Variants in UBTD2 observed in about 807,000 individuals in gnomAD.
UBTD2 encodes ubiquitin domain-containing protein 2.
Under a neutral mutation model 19.8 loss-of-function variants are expected in UBTD2, and 9 were observed. That is an observed-to-expected ratio of 0.46 (90% CI 0.27 to 0.79). The LOEUF (loss-of-function observed/expected upper bound fraction) is 0.79. Ranked by LOEUF, UBTD2 falls within the 30% of genes least tolerant of loss-of-function variation. UBTD2 has a pLI of 0.14. For missense variants in UBTD2, 250 were observed against 300.4 expected (o/e 0.83, Z 1.24); for synonymous variants, 98 against 103.9 (o/e 0.94, Z 0.35).
At chr5:172,241,887 T>C (rs974342624) in intron 1 of UBTD2, among the ~76,000 whole-genome samples, 2 of 152,112 alleles carry the variant, frequency 1.3e-5, no homozygotes, top group Non-Finnish European at 2.9e-5. Context: ...GGTGTAGTTG[T>C]ATATACCTGT....
At chr5:172,238,063 T>C (rs547275534) in intron 1 of UBTD2, among the ~76,000 whole-genome samples, 6 of 152,246 alleles carry the variant, frequency 3.9e-5, no homozygotes, top group African/African-American at 1.4e-4. Flanking sequence ...AATGCAGTAG[T>C]TGGACATAGA....
intron 2 of UBTD2, among the ~76,000 whole-genome samples, chr5:172,214,035 T>C (rs1771498962): frequency 6.6e-6 from 1 of 152,268 alleles, no homozygotes. Flanking sequence ...TCTGCTCGCC[T>C]TGGCCTCCCA....
rs1771417494 is a variant in UBTD2, at chr5:172,210,400, C to G, written c.*1430G>C. On this transcript the variant is annotated 3_prime_UTR_variant, in exon 3 of 3. Transcript: ENST00000393792. ...TAAGTGCCTTCTTGTCTGTACTTTT[C>G]CATCTCATGGATTCTCAGGGGCACA... 1 of 152,194 alleles carries G rather than the reference C, an allele frequency of 6.6e-6. No individual in the cohort carries two copies. Among genetic ancestry groups the G allele is most frequent in the Non-Finnish European group, 1.5e-5 (1 of 68,042 alleles). 9.4% of individuals were successfully genotyped at this position (152,194 alleles called of 1,614,324 possible). A position where few individuals can be genotyped will look rare whatever the true frequency, so the allele number is the denominator to read the frequency against.
intron 2 of UBTD2, among the ~76,000 whole-genome samples, chr5:172,213,974 C>T (rs940210817): frequency 6.6e-6 from 1 of 152,126 alleles, no homozygotes; most frequent in Non-Finnish European, 1.5e-5. Context: ...TTAGTAGAGA[C>T]GGGGTTTCTC....
intron 1 of UBTD2, among the ~76,000 whole-genome samples, chr5:172,240,107 T>C (rs1391633788): frequency 1.3e-5 from 2 of 152,208 alleles, no homozygotes; most frequent in African/African-American, 4.8e-5. Context: ...GGAATGGTTA[T>C]GACCAGACAA....
intron 2 of UBTD2, among the ~76,000 whole-genome samples, chr5:172,224,108 A>G (rs1771712018): frequency 6.6e-6 from 1 of 152,012 alleles, no homozygotes; most frequent in Non-Finnish European, 1.5e-5. Context: ...TGTGAAAAAA[A>G]TGAGGCAACA....
intron 1 of UBTD2, among the ~76,000 whole-genome samples, chr5:172,253,718 C>T (rs937276092): frequency 4.6e-5 from 7 of 152,006 alleles, no homozygotes; most frequent in South Asian, 2.1e-4. Context: ...TCCCAAACTG[C>T]GGGGATTACA....
intron 2 of UBTD2, among the ~76,000 whole-genome samples, chr5:172,220,787 A>G (rs1037296805): frequency 2.0e-5 from 3 of 152,246 alleles, no homozygotes; most frequent in African/African-American, 7.2e-5. Context: ...AAAACAAGGC[A>G]AGATAAGAAA....
chr5:172,254,074 A>C (rs1755088218), intron 1 of UBTD2, among the ~76,000 whole-genome samples: 1 of 152,116 alleles, frequency 6.6e-6, no homozygotes, highest in Non-Finnish European at 1.5e-5. Context: ...GGGAGGCAGG[A>C]CACAGAGGCA....
chr5:172,239,100 G>A (rs1390987594), intron 1 of UBTD2, among the ~76,000 whole-genome samples: 1 of 151,986 alleles, frequency 6.6e-6, no homozygotes, highest in Non-Finnish European at 1.5e-5. Context: ...AAAAAAATAG[G>A]GATATGGGAA....
rs572690662 is a variant in UBTD2, at chr5:172,234,090, T to C, written c.307+32A>G. ...GCTATCAGAAACAAAGTTGATTATG[T>C]TTCCTCTGTCCTTGAGGAACACCAA... On this transcript the variant is annotated intron_variant, in intron 2 of 2. Coordinates refer to ENST00000393792, the MANE Select transcript of UBTD2 (RefSeq NM_152277.3). 55 of 1,601,130 alleles carry C rather than the reference T, an allele frequency of 3.4e-5. No individual in the cohort carries two copies. In the African/African-American group the frequency reaches 6.8e-4, roughly 20 times the overall value.
At chr5:172,263,274 T>C (rs1755309082) in intron 1 of UBTD2, among the ~76,000 whole-genome samples, 1 of 152,160 alleles carries the variant, frequency 6.6e-6, no homozygotes, top group Non-Finnish European at 1.5e-5. Context: ...TAAATCACTG[T>C]TGAGATAGTT....
At chr5:172,246,748 TTGC>T (rs1361414464) in intron 1 of UBTD2, among the ~76,000 whole-genome samples, 3 of 124,648 alleles carry the variant, frequency 2.4e-5, no homozygotes, top group Non-Finnish European at 1.6e-5. Flanking sequence ...CCAGCCGAGA[TTGC>T]TTTTTTTTTT....
At chr5:172,253,217 C>G (rs1755063653) in intron 1 of UBTD2, among the ~76,000 whole-genome samples, 1 of 151,960 alleles carries the variant, frequency 6.6e-6, no homozygotes, top group South Asian at 2.1e-4. Flanking sequence ...TAAATTTTAT[C>G]TATGACTACG....
chr5:172,247,077 G>A (rs909651935), intron 1 of UBTD2, among the ~76,000 whole-genome samples: 1 of 151,774 alleles, frequency 6.6e-6, no homozygotes, highest in African/African-American at 2.4e-5. Context: ...TTAAAGATTC[G>A]ACTACATGCT....
intron 2 of UBTD2, among the ~76,000 whole-genome samples, chr5:172,217,757 T>G (rs945997454): frequency 6.6e-6 from 1 of 152,162 alleles, no homozygotes; most frequent in African/African-American, 2.4e-5. Flanking sequence ...TTGCTGTGAT[T>G]ACAGGTATGA....
chr5:172,260,772 C>T (rs922675059), intron 1 of UBTD2, among the ~76,000 whole-genome samples: 6 of 152,126 alleles, frequency 3.9e-5, no homozygotes, highest in African/African-American at 1.4e-4. Flanking sequence ...TCTAAAGTTC[C>T]TTTTCACTAT....
At chr5:172,224,064 G>T (rs1025645487) in intron 2 of UBTD2, among the ~76,000 whole-genome samples, 2 of 152,106 alleles carry the variant, frequency 1.3e-5, no homozygotes, top group Non-Finnish European at 2.9e-5. Flanking sequence ...TCAGTGGTAT[G>T]AGACTGTCTC....
At chr5:172,276,841 C>A (rs1379063127) in intron 1 of UBTD2, among the ~76,000 whole-genome samples, 1 of 151,824 alleles carries the variant, frequency 6.6e-6, no homozygotes, top group Non-Finnish European at 1.5e-5. Flanking sequence ...GAGTCTGAGG[C>A]AGGGGATCAC....
Sources: gnomAD v4.1 joint callset for allele counts (sites outside exome capture counted in the v4.1 genomes callset) on GRCh38, gnomAD v4.1.1 for gene constraint, MANE v1.5 for transcripts, NCBI Gene and HGNC (gene_info 2026-07-23, HGNC 2026-07-21) for gene names.